The following BID variants were observed in gnomAD, a reference collection of about 807,000 sequenced individuals.
BID encodes the protein BH3-interacting domain death agonist.
Under a neutral mutation model 17.4 loss-of-function variants are expected in BID, and 19 were observed. The ratio of observed to expected loss-of-function variants is 1.09; its 90% CI spans 0.76 to 1.60. The LOEUF (loss-of-function observed/expected upper bound fraction) is 1.60, where lower values mean the gene tolerates loss of function less well. Ranked by LOEUF, BID falls within the 40% of genes most tolerant of loss-of-function variation. The pLI is 0.00. For synonymous variants in BID, 108 were observed against 102.8 expected (o/e 1.05, Z -0.31); for missense variants, 226 against 256.0 (o/e 0.88, Z 0.80).
rs986562417 is a variant in BID at position 17,769,841 on chromosome 22, C to T, written c.-59+4540G>A. ...AGGCAGATGCCAGCTGGTGCAGGAG[C>T]CACTCCCAGTCCCAATACCAGGCCT... On this transcript the variant is annotated intron_variant, in intron 1 of 5. Coordinates refer to ENST00000622694, the MANE Select transcript of BID (RefSeq NM_001196.4). The surrounding 1 kb of genome is among the most constrained non-coding windows in gnomAD (Gnocchi z 4.8). Among the ~76,000 whole-genome samples the T allele has an allele frequency of 6.6e-6, 1 of 152,184 alleles. No individual in the cohort carries two copies. The highest frequency in any genetic ancestry group is 2.4e-5 in the African/African-American group (1 of 41,444).
At chr22:17,742,214 A>G (rs1002542994) in intron 3 of BID, among the ~76,000 whole-genome samples, 4 of 152,172 alleles carry the variant, frequency 2.6e-5, no homozygotes, top group African/African-American at 9.7e-5. Flanking sequence ...TGCCATGATC[A>G]CTTTTGCAGG....
At chr22:17,752,742 T>C (rs2061548742) in intron 1 of BID, among the ~76,000 whole-genome samples, 1 of 151,948 alleles carries the variant, frequency 6.6e-6, no homozygotes, top group Non-Finnish European at 1.5e-5. Context: ...CTTGGCTCAC[T>C]GCATGCTCCA....
intron 2 of BID, among the ~76,000 whole-genome samples, chr22:17,749,023 C>A (rs2061517114): frequency 6.6e-6 from 1 of 152,208 alleles, no homozygotes; most frequent in African/African-American, 2.4e-5. Flanking sequence ...TTGGAAAGGA[C>A]CCCCAGTAGG....
intron 2 of BID, among the ~76,000 whole-genome samples, chr22:17,749,056 T>G (rs1287477627): frequency 6.6e-6 from 1 of 152,196 alleles, no homozygotes; most frequent in Non-Finnish European, 1.5e-5. Flanking sequence ...ACCTCCTGGG[T>G]GCCGGGTGCT....
At chr22:17,758,633 C>T (rs556705371) in intron 1 of BID, among the ~76,000 whole-genome samples, 2 of 152,182 alleles carry the variant, frequency 1.3e-5, no homozygotes, top group Admixed American at 1.3e-4. Flanking sequence ...CTACGCTGGG[C>T]GAACTAGGCC....
Position 17,773,926 on chromosome 22 carries a change from G to A in BID, c.-59+455C>T. Reference sequence around the variant, plus strand: ...CTCCGCTCGGGAGGAGCCGGCAGGTGTCTGCGGTGCTGGAAAGACCACGGT... The same window carrying A: ...CTCCGCTCGGGAGGAGCCGGCAGGTATCTGCGGTGCTGGAAAGACCACGGT... On this transcript the variant is annotated intron_variant, in intron 1 of 5. Transcript: ENST00000622694. This position sits in a 1 kb window ranked among gnomAD's most constrained non-coding sequence, Gnocchi z 4.4. 1 of 583,448 alleles carries A rather than the reference G, an allele frequency of 1.7e-6. No homozygotes were observed. Among genetic ancestry groups the A allele is most frequent in the Non-Finnish European group, 3.1e-6 (1 of 326,292 alleles). The allele number at this position is 583,448 out of a possible 1,614,324, so 36.1% of individuals were successfully genotyped here.
In BID at chr22:17,739,402, C is replaced by T. The variant is rs1292917414; in HGVS notation, c.310G>A (p.Gly104Ser). 1 of 1,610,768 alleles carries T rather than the reference C, an allele frequency of 6.2e-7. No homozygotes were observed. The highest frequency in any genetic ancestry group is 1.3e-5 in the African/African-American group (1 of 75,068). ...TGCAGGGCCAGGCCGTTCACCAGGC[C>T]CGGAGGGATGCTACGGTCCATGCTG... ...GDSMDRSIPP[G>S]LVNGLALQLR... The change falls in exon 4 of 6, where the codon GGC becomes AGC. Residue 104 changes from glycine (G) to serine (S), a missense_variant. Gly to Ser is a moderately conservative substitution (Grantham distance 56). Coordinates refer to ENST00000622694, the MANE Select transcript of BID (RefSeq NM_001196.4).
intron 5 of BID, 130 bp from the exon 6 acceptor site, chr22:17,735,721 T>C (rs1224506558): frequency 3.6e-6 from 4 of 1,100,842 alleles, no homozygotes; most frequent in African/African-American, 1.6e-5. Context: ...CCTGAAGTCC[T>C]ATCCGTGCAT....
intron 1 of BID, among the ~76,000 whole-genome samples, chr22:17,753,412 A>T (rs535573515): frequency 3.1e-4 from 47 of 152,306 alleles, no homozygotes; most frequent in African/African-American, 1.1e-3. Flanking sequence ...TGGGGGCCCC[A>T]TCCCTTGGGA....
intron 1 of BID, among the ~76,000 whole-genome samples, chr22:17,754,055 T>G (rs747452197): frequency 4.0e-5 from 6 of 151,140 alleles, no homozygotes; most frequent in Non-Finnish European, 8.8e-5. Flanking sequence ...ATTCCCCCAG[T>G]CTCCAGGACT....
chr22:17,752,546 A>C (rs1216303027), intron 1 of BID, among the ~76,000 whole-genome samples: 1 of 152,116 alleles, frequency 6.6e-6, no homozygotes, highest in South Asian at 2.1e-4. Context: ...TCATGGAGGA[A>C]TACCACTAAC....
intron 2 of BID, 121 bp downstream of exon 2, chr22:17,749,984 C>G: frequency 1.0e-6 from 1 of 968,788 alleles, no homozygotes. Flanking sequence ...CTGTGCCGAG[C>G]TGTGGTAAGG....
intron 3 of BID, chr22:17,740,914 CATGA>C: frequency 6.6e-6 from 1 of 152,338 alleles, no homozygotes; most frequent in Non-Finnish European, 1.5e-5. Context: ...GTTTTAATTG[CATGA>C]ATGAATGAAT....
intron 1 of BID, among the ~76,000 whole-genome samples, chr22:17,767,775 G>A (rs114887068): frequency 0.025 from 3,817 of 152,232 alleles, 153 homozygotes; most frequent in African/African-American, 0.087. Flanking sequence ...GAGAAACAGC[G>A]TCCGCGAAGT....
At chr22:17,762,016 G>T (rs1195962953) in intron 1 of BID, among the ~76,000 whole-genome samples, 1 of 152,074 alleles carries the variant, frequency 6.6e-6, no homozygotes, top group African/African-American at 2.4e-5. Context: ...AGGTTGAAAA[G>T]CTTCCATAAC....
At chr22:17,741,561 C>G (rs2061459584) in intron 3 of BID, among the ~76,000 whole-genome samples, 1 of 151,976 alleles carries the variant, frequency 6.6e-6, no homozygotes, top group South Asian at 2.1e-4. Context: ...GCAACCTCCG[C>G]TTCCCGGGTT....
intron 3 of BID, chr22:17,741,140 G>A (rs1005500170): frequency 6.6e-6 from 1 of 152,170 alleles, no homozygotes; most frequent in African/African-American, 2.4e-5. Flanking sequence ...CACCCTGGTG[G>A]GGGTCCCCTT....
intron 1 of BID, among the ~76,000 whole-genome samples, chr22:17,753,436 C>A (rs1324905861): frequency 1.3e-5 from 2 of 152,222 alleles, no homozygotes; most frequent in African/African-American, 4.8e-5. Context: ...GAGGCCGCCT[C>A]CCCTAGGCAA....
At position 17,769,239 on chromosome 22, in the gene BID, T is replaced by C. The variant is rs1266067346; in HGVS notation, c.-59+5142A>G. On this transcript the variant is annotated intron_variant, in intron 1 of 5. Transcript: ENST00000622694. The surrounding 1 kb of genome is among the most constrained non-coding windows in gnomAD (Gnocchi z 4.8). ...TGGCAGAAACGCCTCCCCTCTCCTA[T>C]GGAGGGGCTGATGACCCAGGAGCGG... 6.6e-6 allele frequency among the ~76,000 whole-genome samples: 1 copy of C among 152,060 alleles called. No homozygotes were observed. Among genetic ancestry groups the C allele is most frequent in the Non-Finnish European group, 1.5e-5 (1 of 67,986 alleles).
Sources: gnomAD v4.1 joint callset for allele counts (sites outside exome capture counted in the v4.1 genomes callset) on GRCh38, gnomAD v4.1.1 for gene constraint, Gnocchi (gnomAD v3.1) non-coding constraint, MANE v1.5 for transcripts, NCBI Gene and HGNC (gene_info 2026-07-23, HGNC 2026-07-21) for gene names.